Variants in FAM107B observed in about 807,000 individuals in gnomAD.
FAM107B encodes the protein protein FAM107B.
FAM107B carries 21 observed loss-of-function variants against 31.5 expected under a neutral mutation model. That is an observed-to-expected ratio of 0.67 (90% CI 0.47 to 0.96). The LOEUF is 0.96. FAM107B is among the 40% of genes least tolerant of loss of function. FAM107B has a pLI of 0.00. For missense variants in FAM107B, 452 were observed against 377.1 expected, an observed-to-expected ratio of 1.20 and a Z score of -1.64; for synonymous variants, 157 against 141.5, an observed-to-expected ratio of 1.11 and a Z score of -0.78.
Position 14,530,042 on chromosome 10 carries a change from T to C in FAM107B, c.653+290A>G, listed in dbSNP as rs142557019. ...TCTACTTAGGACATTCTCTTCTATC[T>C]TTAATCCAGCCTCTTCCATCCGAAT... is the stretch of plus-strand genomic sequence containing the variant. On this transcript the variant is annotated intron_variant, in intron 3 of 4. Transcript: ENST00000181796. The C allele has an allele frequency of 2.5e-3, 742 of 293,564 alleles. 23 individuals carry two copies. The East Asian group carries it at 0.043, about 17-fold the overall frequency. The allele number at this position is 293,564 out of a possible 1,614,324, so 18.2% of individuals were successfully genotyped here.
At chr10:14,576,452 G>A (rs66538851) in intron 2 of FAM107B, among the ~76,000 whole-genome samples, 26,396 of 151,986 alleles carry the variant, frequency 0.17, 2,530 homozygotes, top group Middle Eastern at 0.28. Flanking sequence ...ATTTGAACCC[G>A]GGAGGCGGAG....
At chr10:14,662,325 G>T (rs915253183) in intron 2 of FAM107B, among the ~76,000 whole-genome samples, 3 of 151,238 alleles carry the variant, frequency 2.0e-5, no homozygotes, top group Admixed American at 6.6e-5. Context: ...GACCAACCAC[G>T]CTGTGTAACT....
At chr10:14,630,954 T>A (rs1035549195) in intron 2 of FAM107B, among the ~76,000 whole-genome samples, 3 of 152,124 alleles carry the variant, frequency 2.0e-5, no homozygotes, top group Non-Finnish European at 4.4e-5. Context: ...TATATAGGAA[T>A]CTAGTCTGCT....
chr10:14,522,292 A>G, intron 3 of FAM107B: 1 of 397,948 alleles, frequency 2.5e-6, no homozygotes, highest in South Asian at 3.1e-5. Context: ...TACGCAAAGG[A>G]GGGCAGTGAG....
chr10:14,620,691 C>T (rs1403352176), intron 2 of FAM107B, among the ~76,000 whole-genome samples: 1 of 152,140 alleles, frequency 6.6e-6, no homozygotes, highest in Admixed American at 6.5e-5. Flanking sequence ...AGCCCGCCAT[C>T]CCCCCACAGG....
intron 2 of FAM107B, among the ~76,000 whole-genome samples, chr10:14,573,928 A>C (rs1851381158): frequency 7.6e-6 from 1 of 132,076 alleles, no homozygotes; most frequent in Non-Finnish European, 1.6e-5. Flanking sequence ...AAAAAAAAAA[A>C]CCACCCTAGG....
At position 14,560,796 on chromosome 10, in the gene FAM107B, G is replaced by C. The variant is rs553100848; in HGVS notation, c.470-30281C>G. Among the ~76,000 whole-genome samples, 4 of 152,280 alleles carry C rather than the reference G, an allele frequency of 2.6e-5. No homozygotes were observed. The East Asian group carries it at 7.7e-4, about 29-fold the overall frequency. ...CCACCTCCATTCCTATCATCAAAAT[G>C]GTTCAAAATATGCCAAAGCCCCGAT... is the stretch of plus-strand genomic sequence containing the variant. On this transcript the variant is annotated intron_variant, in intron 2 of 4. Coordinates refer to ENST00000181796, the MANE Select transcript of FAM107B (RefSeq NM_031453.4).
chr10:14,618,628 G>C (rs1588661814), intron 2 of FAM107B, among the ~76,000 whole-genome samples: 1 of 152,274 alleles, frequency 6.6e-6, no homozygotes, highest in East Asian at 1.9e-4. Flanking sequence ...CTTGAGGTCA[G>C]CAGTTCAAGA....
chr10:14,774,339 G>A lies in FAM107B; in HGVS notation c.325C>T (p.Pro109Ser), dbSNP rs778043670. ...AQPAETPEDV[P>S]GSLDDGADCE... ...TCCGCCCCATCATCCAGGGACCCGG[G>A]CACATCTTCAGGCGTCTCCGCGGGC... Residue 109 changes from proline to serine, a missense_variant, in exon 1 of 5, where the codon CCC becomes TCC. Transcript: ENST00000181796. 6.2e-7 allele frequency: 1 copy of A among 1,614,200 alleles called. No individual in the cohort carries two copies. Among genetic ancestry groups the A allele is most frequent in the South Asian group, 1.1e-5 (1 of 91,076 alleles).
chr10:14,698,635 A>C (rs186372860), intron 1 of FAM107B, among the ~76,000 whole-genome samples: 4 of 152,270 alleles, frequency 2.6e-5, no homozygotes, highest in African/African-American at 9.6e-5. Flanking sequence ...TGAGTTGACC[A>C]AGGTCCTACA....
chr10:14,742,485 C>T (rs1183755398), intron 1 of FAM107B, among the ~76,000 whole-genome samples: 1 of 152,172 alleles, frequency 6.6e-6, no homozygotes, highest in Non-Finnish European at 1.5e-5. Context: ...AGTGGGCTTA[C>T]TGAGATCAGC....
At chr10:14,700,077 C>T (rs1296625083) in intron 1 of FAM107B, among the ~76,000 whole-genome samples, 1 of 152,062 alleles carries the variant, frequency 6.6e-6, no homozygotes, top group Non-Finnish European at 1.5e-5. Flanking sequence ...GGATTACAGG[C>T]GTGTGCCACC....
chr10:14,620,199 A>T (rs1852972175), intron 2 of FAM107B, among the ~76,000 whole-genome samples: 1 of 151,808 alleles, frequency 6.6e-6, no homozygotes, highest in South Asian at 2.1e-4. Flanking sequence ...TTGTATTTTT[A>T]GTAGAGACGG....
chr10:14,580,359 C>A (rs117450067), intron 2 of FAM107B, among the ~76,000 whole-genome samples: 7 of 148,806 alleles, frequency 4.7e-5, no homozygotes, highest in South Asian at 2.1e-4. Context: ...GACTCCGTGC[C>A]AAAAAAAAAA....
chr10:14,558,546 G>A (rs1237369044), intron 2 of FAM107B, among the ~76,000 whole-genome samples: 1 of 152,140 alleles, frequency 6.6e-6, no homozygotes, highest in Non-Finnish European at 1.5e-5. Flanking sequence ...TCCAGAAAGA[G>A]AGTTGTGTGG....
Position 14,530,509 on chromosome 10 carries a change from G to A in FAM107B, c.476C>T (p.Pro159Leu). 6.2e-7 allele frequency: 1 copy of A among 1,611,576 alleles called. No individual in the cohort carries two copies. The highest frequency in any genetic ancestry group is 8.5e-7 in the Non-Finnish European group (1 of 1,179,514). The change falls in exon 3 of 5, where the codon CCA becomes CTA. Residue 159 changes from proline to leucine, a missense_variant. Physicochemically the swap from Pro to Leu is moderately conservative, Grantham distance 98. Coordinates refer to ENST00000181796, the MANE Select transcript of FAM107B (RefSeq NM_031453.4). ...GTCCTTATGGTCAATATCCTCAGGTGGGCTGTCTGAAAGAGAAAGATGAGA... is the reference window on the plus strand; with the variant it reads ...GTCCTTATGGTCAATATCCTCAGGTAGGCTGTCTGAAAGAGAAAGATGAGA... ...ELEQKMTSDS[P>L]PEDIDHKDSY... is the part of the protein sequence containing the mutation.
At chr10:14,578,613 T>A (rs1363597518) in intron 2 of FAM107B, among the ~76,000 whole-genome samples, 1 of 152,154 alleles carries the variant, frequency 6.6e-6, no homozygotes, top group Non-Finnish European at 1.5e-5. Context: ...GCGACATATT[T>A]TCCGGAGTCC....
chr10:14,738,823 G>T (rs765326062), intron 1 of FAM107B, among the ~76,000 whole-genome samples: 1 of 152,188 alleles, frequency 6.6e-6, no homozygotes, highest in Middle Eastern at 3.2e-3. Context: ...ACTAGTTGCC[G>T]TCTGTTCTGG....
chr10:14,559,414 C>T (rs1014849024), intron 2 of FAM107B, among the ~76,000 whole-genome samples: 1 of 151,762 alleles, frequency 6.6e-6, no homozygotes, highest in African/African-American at 2.4e-5. Flanking sequence ...TGCCAAAGAG[C>T]TTCCATTCTA....
Sources: gnomAD v4.1 joint callset for allele counts (sites outside exome capture counted in the v4.1 genomes callset) on GRCh38, gnomAD v4.1.1 for gene constraint, MANE v1.5 for transcripts, NCBI Gene and HGNC (gene_info 2026-07-23, HGNC 2026-07-21) for gene names.